SPIDR: variants seen among roughly 807,000 people sequenced by gnomAD.
SPIDR encodes scaffold protein involved in DNA repair.
Under a neutral mutation model 104.6 loss-of-function variants are expected in SPIDR, and 93 were observed. The observed-to-expected ratio is 0.89, with a 90% confidence interval of 0.75 to 1.06. The LOEUF (loss-of-function observed/expected upper bound fraction) is 1.06. Among genes scored for constraint, SPIDR ranks in the 50% least tolerant of loss-of-function variants. The pLI is 0.00. For missense variants in SPIDR, 1,154 were observed against 1,111.2 expected, an observed-to-expected ratio of 1.04 and a Z score of -0.55; for synonymous variants, 431 against 416.9, an observed-to-expected ratio of 1.03 and a Z score of -0.41.
intron 10 of SPIDR, among the ~76,000 whole-genome samples, chr8:47,625,833 G>A (rs532334162): frequency 1.9e-4 from 29 of 152,126 alleles, no homozygotes; most frequent in African/African-American, 4.8e-4. Flanking sequence ...TATAGATTCA[G>A]TGCCATCCCC....
chr8:47,631,660 T>C (rs2067095496), intron 10 of SPIDR, among the ~76,000 whole-genome samples: 4 of 152,228 alleles, frequency 2.6e-5, no homozygotes, highest in Admixed American at 2.6e-4. Context: ...GAATTCTTAT[T>C]TGACTCTTCA....
intron 10 of SPIDR, among the ~76,000 whole-genome samples, chr8:47,623,737 G>T (rs1244061892): frequency 6.6e-6 from 1 of 152,146 alleles, no homozygotes; most frequent in Non-Finnish European, 1.5e-5. Flanking sequence ...GATTCATAAA[G>T]CAAGTCCTGA....
chr8:47,589,839 T>C (rs1351157877), intron 8 of SPIDR, among the ~76,000 whole-genome samples: 1 of 152,204 alleles, frequency 6.6e-6, no homozygotes, highest in Non-Finnish European at 1.5e-5. Context: ...TTTTTCTCTG[T>C]TGTTTTTCTG....
At position 47,621,395 on chromosome 8, in the gene SPIDR, C is replaced by T. The variant is rs563071587; in HGVS notation, c.1544+22199C>T. Reference sequence around the variant, plus strand: ...GTGAAGCCCAAATGAATCATCTGGGCATGTCATGTAGTCTCACCCTGCCTT... The same window carrying T: ...GTGAAGCCCAAATGAATCATCTGGGTATGTCATGTAGTCTCACCCTGCCTT... On this transcript the variant is annotated intron_variant, in intron 10 of 19. Coordinates refer to ENST00000297423, the MANE Select transcript of SPIDR (RefSeq NM_001080394.4). Among the ~76,000 whole-genome samples, 21 of 152,298 alleles carry T rather than the reference C, an allele frequency of 1.4e-4. No individual in the cohort carries two copies. The South Asian group carries it at 1.7e-3, about 12-fold the overall frequency.
At chr8:47,320,620 C>A (rs1425907629) in intron 5 of SPIDR, among the ~76,000 whole-genome samples, 2 of 152,094 alleles carry the variant, frequency 1.3e-5, no homozygotes, top group East Asian at 1.9e-4. Flanking sequence ...AGCCTGATAC[C>A]AAAGCCTGGC....
intron 8 of SPIDR, among the ~76,000 whole-genome samples, chr8:47,461,934 G>C (rs545842195): frequency 2.6e-5 from 4 of 151,728 alleles, no homozygotes; most frequent in African/African-American, 9.7e-5. Context: ...ATTTCTTCTT[G>C]GTTTGGATCC....
At chr8:47,688,910 T>A (rs2078229889) in intron 11 of SPIDR, among the ~76,000 whole-genome samples, 2 of 152,258 alleles carry the variant, frequency 1.3e-5, no homozygotes, top group South Asian at 4.1e-4. Flanking sequence ...TGTAGTGGAA[T>A]TCACTGTGGT....
intron 8 of SPIDR, chr8:47,547,434 T>C: frequency 4.2e-6 from 1 of 236,456 alleles, no homozygotes; most frequent in Non-Finnish European, 8.5e-6. Flanking sequence ...TTTAATTTAT[T>C]TATTTATTTT....
chr8:47,632,933 T>C (rs1424599131), intron 10 of SPIDR, among the ~76,000 whole-genome samples: 5 of 152,218 alleles, frequency 3.3e-5, no homozygotes, highest in African/African-American at 7.2e-5. Flanking sequence ...GAGCTGGAAC[T>C]TGAAACCAGG....
chr8:47,330,529 C>T (rs180848294), intron 5 of SPIDR, among the ~76,000 whole-genome samples: 10 of 152,320 alleles, frequency 6.6e-5, no homozygotes. Flanking sequence ...TCTCTCCACC[C>T]TAATCTCTCG....
rs753438976 is a variant in SPIDR at position 47,727,214 on chromosome 8, G to A, written c.2356G>A (p.Val786Met). The A allele has an allele frequency of 1.5e-5, 25 of 1,614,004 alleles. No homozygotes were observed. The highest frequency in any genetic ancestry group is 1.6e-4 in the Middle Eastern group (1 of 6,084). ...CTTGGGCCTAGGCACTGTGGTTGGC[G>A]TGGACGAGAGCACTGCTTTCTCATG... ...ICSVQGTVVG[V>M]DESTAFSWPV... The change falls in exon 17 of 20, where the codon GTG (valine) becomes ATG (methionine). Residue 786 changes from valine (V) to methionine (M), a missense_variant. Physicochemically the swap from Val to Met is conservative, Grantham distance 21 (BLOSUM62 1). Transcript: ENST00000297423.
intron 1 of SPIDR, among the ~76,000 whole-genome samples, chr8:47,264,853 G>A (rs1481066979): frequency 3.9e-5 from 6 of 152,164 alleles, no homozygotes; most frequent in East Asian, 1.9e-4. Flanking sequence ...ATGATATACC[G>A]AGCATATAAA....
At chr8:47,671,667 A>C (rs2075823460) in intron 10 of SPIDR, among the ~76,000 whole-genome samples, 1 of 152,088 alleles carries the variant, frequency 6.6e-6, no homozygotes, top group South Asian at 2.1e-4. Flanking sequence ...TCATTCTTGA[A>C]AGGAGTTTTG....
chr8:47,526,312 T>C (rs763922565), intron 8 of SPIDR, among the ~76,000 whole-genome samples: 1 of 152,228 alleles, frequency 6.6e-6, no homozygotes, highest in Non-Finnish European at 1.5e-5. Context: ...TAGAGCCAGA[T>C]TAAACATCAA....
Position 47,279,955 on chromosome 8 carries a change from G to C in SPIDR, c.127G>C (p.Ala43Pro). The change falls in exon 2 of 20, where the codon GCC (alanine) becomes CCC (proline). Residue 43 changes from alanine to proline, a missense_variant. Ala to Pro is a conservative substitution (Grantham distance 27). Transcript: ENST00000297423. ...RAGLRTAGAA[A>P]SLSEAWLRCG... is the part of the protein sequence containing the mutation. ...AGGTCTCAGGACAGCAGGGGCAGCT[G>C]CCTCTCTCTCTGAAGCATGGCTCAG... 1 of 1,614,116 alleles carries C rather than the reference G, an allele frequency of 6.2e-7. No homozygotes were observed.
At chr8:47,594,993 T>C (rs929585813) in intron 8 of SPIDR, among the ~76,000 whole-genome samples, 2 of 151,850 alleles carry the variant, frequency 1.3e-5, no homozygotes, top group African/African-American at 4.8e-5. Flanking sequence ...CGAGACCATG[T>C]CTCAAAAAAA....
chr8:47,647,659 A>AGAGAGAGG (rs2070761896), intron 10 of SPIDR, among the ~76,000 whole-genome samples: 3 of 148,812 alleles, frequency 2.0e-5, no homozygotes, highest in Admixed American at 6.7e-5. Context: ...AGAGAGGGAG[A>AGAGAGAGG]GAGAGAGAGG....
intron 10 of SPIDR, among the ~76,000 whole-genome samples, chr8:47,626,847 A>G (rs1007960758): frequency 2.6e-5 from 4 of 152,172 alleles, no homozygotes; most frequent in Non-Finnish European, 4.4e-5. Flanking sequence ...TCAGGGATCT[A>G]GAACTAGAAA....
At chr8:47,323,273 T>C (rs1006141957) in intron 5 of SPIDR, among the ~76,000 whole-genome samples, 1 of 152,122 alleles carries the variant, frequency 6.6e-6, no homozygotes, top group Admixed American at 6.5e-5. Flanking sequence ...GTGAAAAATC[T>C]TCTCAGGGAA....
Sources: gnomAD v4.1 joint callset for allele counts (sites outside exome capture counted in the v4.1 genomes callset) on GRCh38, gnomAD v4.1.1 for gene constraint, MANE v1.5 for transcripts, NCBI Gene and HGNC (gene_info 2026-07-23, HGNC 2026-07-21) for gene names.